FGD1: variants seen among roughly 807,000 people sequenced by gnomAD.
The protein encoded by FGD1 is FYVE, RhoGEF and PH domain containing 1, also known as FYVE, RhoGEF and PH domain-containing protein 1.
In FGD1, 12 loss-of-function variants were observed where a neutral mutation model predicts 65.0. The ratio of observed to expected loss-of-function variants is 0.18; its 90% CI spans 0.12 to 0.30. FGD1 has a LOEUF of 0.30. FGD1 is among the 10% of genes least tolerant of loss of function. The probability of loss-of-function intolerance (pLI) is 1.00; values close to 1 mark genes in which losing one functional copy is unlikely to be tolerated. For missense variants in FGD1, 542 were observed against 837.6 expected (o/e 0.65, Z 4.36); for synonymous variants, 333 against 343.9 (o/e 0.97, Z 0.35).
In FGD1 at chrX:54,449,129, CT is replaced by C; in HGVS notation, c.2274+13del. 1 of 1,212,248 alleles carries C rather than the reference CT, an allele frequency of 8.2e-7. No individual in the cohort carries two copies. Among genetic ancestry groups the C allele is most frequent in the Non-Finnish European group, 1.1e-6 (1 of 895,544 alleles). On this transcript the variant is annotated intron_variant, in intron 15 of 17. Coordinates refer to ENST00000375135, the MANE Select transcript of FGD1 (RefSeq NM_004463.3). ...GTCCCCTCCCTAGCTCTGCCCCTGC[CT>C]CCCAACACTCACATGCCCGCAGGCC...
intron 1 of FGD1, among the ~76,000 whole-genome samples, chrX:54,482,228 A>ACG (rs1408586481): frequency 1.1e-5 from 1 of 92,525 alleles, no homozygotes; most frequent in African/African-American, 5.3e-5. Context: ...ATGCGCGCGC[A>ACG]CACGCGCGCA....
chrX:54,456,378 C>T lies in FGD1; in HGVS notation c.1696-12G>A, dbSNP rs770720561. On this transcript the variant is annotated splice_polypyrimidine_tract_variant and intron_variant, in intron 9 of 17. Coordinates refer to ENST00000375135, the MANE Select transcript of FGD1 (RefSeq NM_004463.3). Reference sequence around the variant, plus strand: ...TTATGCATTCGCTCCTGGCAAAAGACAGGGAACAAAAGGCACGGTTGGGGT... The same window carrying T: ...TTATGCATTCGCTCCTGGCAAAAGATAGGGAACAAAAGGCACGGTTGGGGT... 2.2e-5 allele frequency: 27 copies of T among 1,210,069 alleles called. No individual in the cohort carries two copies. Among genetic ancestry groups the T allele is most frequent in the Admixed American group, 4.4e-5 (2 of 45,704 alleles).
chrX:54,494,402 C>CTTTTTTTTTT, intron 1 of FGD1, among the ~76,000 whole-genome samples: 1 of 60,741 alleles, frequency 1.6e-5, no homozygotes, highest in Non-Finnish European at 2.8e-5. Context: ...CACCGTCTTT[C>CTTTTTTTTTT]TTTTTTTTTT....
chrX:54,470,722 G>GGGGCGGGCCCCCCGGGGGGGGGC lies in FGD1; in HGVS notation c.519_520insGCCCCCCCCCGGGGGGCCCGCCC (p.Pro174AlafsTer49). On this transcript the variant is annotated frameshift_variant, in exon 3 of 18. Transcript: ENST00000375135. LOFTEE classifies it high-confidence loss of function. ...GGGGGGATGGGCTCCAGTGGGGGGGGCATCCGGGGCATCTGCAGGTAGCTG... is the reference window on the plus strand; with the variant it reads ...GGGGGGATGGGCTCCAGTGGGGGGGGGGGCGGGCCCCCCGGGGGGGGGCCATCCGGGGCATCTGCAGGTAGCTG... 1 of 538,260 alleles carries GGGGCGGGCCCCCCGGGGGGGGGC rather than the reference G, an allele frequency of 1.9e-6. No homozygotes were observed. The highest frequency in any genetic ancestry group is 2.8e-6 in the Non-Finnish European group (1 of 356,053). 44.4% of individuals were successfully genotyped at this position (538,260 alleles called of 1,213,427 possible).
At chrX:54,472,489 C>T (rs1433091777) in intron 1 of FGD1, among the ~76,000 whole-genome samples, 1 of 110,451 alleles carries the variant, frequency 9.1e-6, no homozygotes, top group Non-Finnish European at 1.9e-5. Context: ...TTATACTGTC[C>T]CTCTTCCCTC....
chrX:54,448,895 T>C lies in FGD1; in HGVS notation c.2347A>G (p.Thr783Ala), dbSNP rs910292238. 6.6e-6 allele frequency: 8 copies of C among 1,210,372 alleles called. No individual in the cohort carries two copies. In the Admixed American group the frequency reaches 1.5e-4, roughly 23 times the overall value. ...CCGTGCAAGGCCACATAGCAATCAG[T>C]GCACACACGGTTGGAGCGGTTGTTG... ...YDNNRSNRVCTDCYVALHGVP... is the reference protein window; with the variant it reads ...YDNNRSNRVCADCYVALHGVP... Residue 783 changes from threonine (T) to alanine (A), a missense_variant, in exon 16 of 18, where the codon ACT (threonine) becomes GCT (alanine). By Grantham distance (58) the Thr-to-Ala change is moderately conservative (BLOSUM62 0). This residue lies in a region of FGD1 where 182 missense variants were observed against 311.4 expected (regional missense o/e 0.58). Transcript: ENST00000375135.
chrX:54,465,462 T>C lies in FGD1; in HGVS notation c.1625A>G (p.Lys542Arg). The change falls in exon 8 of 18, where the codon AAG becomes AGG. Residue 542 changes from lysine to arginine, a missense_variant. By Grantham distance (26) the Lys-to-Arg change is conservative (BLOSUM62 2). Around this residue, in one of 6 missense-constraint regions of FGD1, gnomAD observed 41 missense variants for 109.5 expected, o/e 0.37. Coordinates refer to ENST00000375135, the MANE Select transcript of FGD1 (RefSeq NM_004463.3). The part of the protein sequence containing the change: ...LKLPHGSPDS[K>R]DAQKSLELIA... ...GTGCACACACTCACTTTGGGCATCC[T>C]TGCTGTCCGGGGAGCCATGGGGCAG... 8.3e-7 allele frequency: 1 copy of C among 1,209,348 alleles called. No individual in the cohort carries two copies. Among genetic ancestry groups the C allele is most frequent in the East Asian group, 3.0e-5 (1 of 33,699 alleles).
chrX:54,490,864 T>C (rs1398944691), intron 1 of FGD1, among the ~76,000 whole-genome samples: 2 of 110,563 alleles, frequency 1.8e-5, no homozygotes, highest in African/African-American at 6.6e-5. Context: ...CATCTAAATA[T>C]CTCTCAGATC....
intron 1 of FGD1, among the ~76,000 whole-genome samples, chrX:54,482,059 G>T (rs939496532): frequency 9.0e-6 from 1 of 110,825 alleles, no homozygotes; most frequent in Admixed American, 9.7e-5. Context: ...CATACTTAGG[G>T]CCAAGGTGAC....
chrX:54,464,519 T>C (rs28591465), intron 8 of FGD1, among the ~76,000 whole-genome samples: 17,155 of 111,224 alleles, frequency 0.15, 2,139 homozygotes, highest in African/African-American at 0.42. Context: ...TTGTCTGTTT[T>C]GTTCACCTCT....
chrX:54,449,875 C>T, intron 13 of FGD1, 115 bp from the exon 14 acceptor site: 1 of 537,869 alleles, frequency 1.9e-6, no homozygotes, highest in Non-Finnish European at 3.3e-6. Flanking sequence ...GGTTTCAAAC[C>T]CAGTTCTGTC....
chrX:54,447,019 C>G (rs755514121), intron 17 of FGD1, among the ~76,000 whole-genome samples: 1 of 111,412 alleles, frequency 9.0e-6, no homozygotes, highest in Non-Finnish European at 1.9e-5. Context: ...CCACTGCGCT[C>G]GGTCCCATCT....
chrX:54,472,283 A>G (rs2147436663), intron 1 of FGD1, among the ~76,000 whole-genome samples: 1 of 108,852 alleles, frequency 9.2e-6, no homozygotes, highest in South Asian at 3.9e-4. Context: ...GTCTCAAGAA[A>G]AAAAAAAAAA....
intron 1 of FGD1, among the ~76,000 whole-genome samples, chrX:54,483,429 C>T (rs866513400): frequency 8.9e-6 from 1 of 112,319 alleles, no homozygotes; most frequent in South Asian, 3.6e-4. Flanking sequence ...CCCTGGCGGG[C>T]GGAAGGGCTT....
At chrX:54,474,035 A>G (rs931312692) in intron 1 of FGD1, among the ~76,000 whole-genome samples, 1 of 111,105 alleles carries the variant, frequency 9.0e-6, no homozygotes, top group African/African-American at 3.3e-5. Flanking sequence ...TATGCAAACA[A>G]CATGCCATTT....
chrX:54,457,869 A>T (rs919410866), intron 8 of FGD1, among the ~76,000 whole-genome samples: 14 of 111,278 alleles, frequency 1.3e-4, no homozygotes, highest in African/African-American at 4.2e-4. Flanking sequence ...ACACACTAAT[A>T]AATCCCACCC....
chrX:54,449,967 T>C (rs1246424406), intron 13 of FGD1, among the ~76,000 whole-genome samples: 3 of 109,122 alleles, frequency 2.7e-5, no homozygotes, highest in Non-Finnish European at 5.7e-5. Flanking sequence ...GGAGGGGGAG[T>C]GGTGGCTGAA....
At chrX:54,458,636 G>A (rs1922566181) in intron 8 of FGD1, among the ~76,000 whole-genome samples, 1 of 107,796 alleles carries the variant, frequency 9.3e-6, no homozygotes, top group African/African-American at 3.4e-5. Flanking sequence ...AACATGTCCC[G>A]TCTTACTTCA....
At chrX:54,456,641 T>C (rs1922510735) in intron 8 of FGD1, 74 bp from the exon 9 acceptor site, 1 of 904,368 alleles carries the variant, frequency 1.1e-6, no homozygotes. Context: ...GTTTTTTGTT[T>C]TTTTTTTTTG....
Sources: allele counts gnomAD v4.1 joint callset (sites outside exome capture counted in the v4.1 genomes callset), GRCh38; gene constraint gnomAD v4.1.1; regional missense constraint gnomAD v4.1.1; transcripts MANE v1.5; gene names NCBI Gene and HGNC (gene_info 2026-07-23, HGNC 2026-07-21).